PRDM16: variants seen among roughly 807,000 people sequenced by gnomAD.
The protein encoded by PRDM16 is histone-lysine N-methyltransferase PRDM16.
Under a neutral mutation model 110.6 loss-of-function variants are expected in PRDM16, and 23 were observed. That is an observed-to-expected ratio of 0.21 (90% confidence interval 0.15 to 0.29). The LOEUF (loss-of-function observed/expected upper bound fraction) is 0.29. Among genes scored for constraint, PRDM16 ranks in the 10% least tolerant of loss-of-function variants. PRDM16 has a pLI of 1.00. For synonymous variants in PRDM16, 799 were observed against 781.8 expected (o/e 1.02, Z -0.37); for missense variants, 1,615 against 1,794.3 (o/e 0.90, Z 1.81).
At chr1:3,090,368 C>T (rs558730143) in intron 1 of PRDM16, among the ~76,000 whole-genome samples, 1 of 152,362 alleles carries the variant, frequency 6.6e-6, no homozygotes, top group South Asian at 2.1e-4. Flanking sequence ...TCGTGAGAAG[C>T]GCCACATGGC....
At chr1:3,231,404 T>TCCCCA in intron 2 of PRDM16, among the ~76,000 whole-genome samples, 1 of 150,630 alleles carries the variant, frequency 6.6e-6, no homozygotes, top group South Asian at 2.1e-4. Flanking sequence ...GTCAAGGCCG[T>TCCCCA]CTCCCCTTCT....
Position 3,425,700 on chromosome 1 carries a change from A to G in PRDM16, c.3059A>G (p.Gln1020Arg), listed in dbSNP as rs2100692392. The G allele has an allele frequency of 6.2e-7, 1 of 1,613,924 alleles. No individual in the cohort carries two copies. The highest frequency in any genetic ancestry group is 8.5e-7 in the Non-Finnish European group (1 of 1,179,956). Residue 1020 changes from glutamine (Q) to arginine (R), a missense_variant, in exon 13 of 17, where the codon CAG (glutamine) becomes CGG (arginine). This residue lies in a region of PRDM16 where 327 missense variants were observed against 359.3 expected (regional missense o/e 0.91). Transcript: ENST00000270722. This position sits in a 1 kb window ranked among gnomAD's most constrained non-coding sequence, Gnocchi z 6.9. ...CTGTGCAACCGCTGCTTCGGGCAGC[A>G]GACCAACCTGGACCGGCACCTCAAG... ...CHLCNRCFGQ[Q>R]TNLDRHLKKH...
intron 2 of PRDM16, among the ~76,000 whole-genome samples, chr1:3,187,202 G>A (rs753591446): frequency 6.6e-6 from 1 of 152,288 alleles, no homozygotes; most frequent in East Asian, 1.9e-4. Flanking sequence ...GTCCTAGGGG[G>A]ACTAACAGCC....
Position 3,411,546 on chromosome 1 carries a change from A to G in PRDM16, c.1349A>G (p.His450Arg). Residue 450 changes from histidine (H) to arginine (R), a missense_variant, in exon 9 of 17, where the codon CAT becomes CGT. Coordinates refer to ENST00000270722, the MANE Select transcript of PRDM16 (RefSeq NM_022114.4). Reference sequence around the variant, plus strand: ...CGGCGCTTCTGCGAGGGCAAGAACCATTACACGCCGGGCGGCATCTTTGCC... The same window carrying G: ...CGGCGCTTCTGCGAGGGCAAGAACCGTTACACGCCGGGCGGCATCTTTGCC... ...KHRRFCEGKN[H>R]YTPGGIFAPG... 1 of 1,614,098 alleles carries G rather than the reference A, an allele frequency of 6.2e-7. No individual in the cohort carries two copies. Among genetic ancestry groups the G allele is most frequent in the Admixed American group, 1.7e-5 (1 of 60,028 alleles).
intron 2 of PRDM16, among the ~76,000 whole-genome samples, chr1:3,204,891 C>G (rs1482257346): frequency 6.6e-6 from 1 of 152,142 alleles, no homozygotes; most frequent in Non-Finnish European, 1.5e-5. Flanking sequence ...GAGTGGGACC[C>G]CCGTTGGGGG....
rs1047910460 is a variant in PRDM16 at position 3,147,125 on chromosome 1, A to AGT, written c.38-38990_38-38989dup. Among the ~76,000 whole-genome samples, 3 of 68,460 alleles carry AGT rather than the reference A, an allele frequency of 4.4e-5. No homozygotes were observed. The Admixed American group carries it at 4.9e-4, about 11-fold the overall frequency. 44.9% of individuals were successfully genotyped at this position (68,460 alleles called of 152,430 possible). On this transcript the variant is annotated intron_variant, in intron 1 of 16. Coordinates refer to ENST00000270722, the MANE Select transcript of PRDM16 (RefSeq NM_022114.4). ...GTGTGTACGCGTGTGCTCGGTATGG[A>AGT]GTGTGTGTGTGCATGTGTGTGCTCG...
At chr1:3,404,967 C>A in intron 7 of PRDM16, 81 bp downstream of exon 7, 1 of 1,477,652 alleles carries the variant, frequency 6.8e-7, no homozygotes, top group Admixed American at 2.3e-5. Context: ...CTCCCTACAC[C>A]CCCTGGTCCA....
Position 3,411,966 on chromosome 1 carries a change from A to G in PRDM16, c.1769A>G (p.Lys590Arg), listed in dbSNP as rs774686539. The change falls in exon 9 of 17, where the codon AAG (lysine) becomes AGG (arginine). Residue 590 changes from lysine (K) to arginine (R), a missense_variant. Physicochemically the swap from Lys to Arg is conservative, Grantham distance 26 (BLOSUM62 2). This residue lies in a region of PRDM16 where 772 missense variants were observed against 748.3 expected (regional missense o/e 1.03). Coordinates refer to ENST00000270722, the MANE Select transcript of PRDM16 (RefSeq NM_022114.4). ...CGCCTGGAGGACTCCTGTGTGGAGA[A>G]GCTGAAGACCAGGAGCAGCGACATG... Reference protein sequence around the residue: ...ESRLEDSCVEKLKTRSSDMSD... With the variant: ...ESRLEDSCVERLKTRSSDMSD... 4 of 1,613,700 alleles carry G rather than the reference A, an allele frequency of 2.5e-6. No homozygotes were observed. Among genetic ancestry groups the G allele is most frequent in the Non-Finnish European group, 3.4e-6 (4 of 1,179,964 alleles).
intron 3 of PRDM16, among the ~76,000 whole-genome samples, chr1:3,335,072 G>C (rs1251697700): frequency 6.6e-6 from 1 of 152,218 alleles, no homozygotes; most frequent in Admixed American, 6.5e-5. Flanking sequence ...GGGAGACCAG[G>C]TTCCCCCCTG....
At chr1:3,077,518 T>C (rs1032295497) in intron 1 of PRDM16, among the ~76,000 whole-genome samples, 4 of 152,272 alleles carry the variant, frequency 2.6e-5, no homozygotes, top group Non-Finnish European at 5.9e-5. Context: ...CAGGGGTGTC[T>C]GCACAGAAGG....
intron 1 of PRDM16, among the ~76,000 whole-genome samples, chr1:3,127,385 C>T (rs997196707): frequency 6.6e-6 from 1 of 152,196 alleles, no homozygotes; most frequent in Non-Finnish European, 1.5e-5. Context: ...CCAGACGATG[C>T]CCTCGTGAGA....
intron 3 of PRDM16, among the ~76,000 whole-genome samples, chr1:3,262,178 T>C (rs1322819537): frequency 6.6e-6 from 1 of 152,222 alleles, no homozygotes; most frequent in Non-Finnish European, 1.5e-5. Flanking sequence ...GTGAGGGGCA[T>C]TGAACCCAGG....
At chr1:3,389,222 C>T (rs895897416) in intron 4 of PRDM16, among the ~76,000 whole-genome samples, 1 of 152,214 alleles carries the variant, frequency 6.6e-6, no homozygotes, top group Admixed American at 6.5e-5. Context: ...AGCAACCAGC[C>T]AGCACCTCCC....
At chr1:3,220,143 C>CT (rs766794706) in intron 2 of PRDM16, among the ~76,000 whole-genome samples, 19 of 152,204 alleles carry the variant, frequency 1.2e-4, no homozygotes, top group Non-Finnish European at 2.4e-4. Context: ...TGCCCACACG[C>CT]GCCGGGAGGA....
At chr1:3,111,000 C>T (rs566303170) in intron 1 of PRDM16, among the ~76,000 whole-genome samples, 73 of 152,290 alleles carry the variant, frequency 4.8e-4, no homozygotes, top group African/African-American at 1.7e-3. Context: ...AGCCTAGCTT[C>T]GTGGGCTGGT....
intron 3 of PRDM16, among the ~76,000 whole-genome samples, chr1:3,283,298 G>T (rs922396940): frequency 6.6e-6 from 1 of 152,188 alleles, no homozygotes; most frequent in East Asian, 1.9e-4. Context: ...CCAGGGCCCG[G>T]GGTGGCTGCA....
At chr1:3,181,268 ACGGCCTTACGCATG>A (rs1644169324) in intron 1 of PRDM16, among the ~76,000 whole-genome samples, 1 of 146,990 alleles carries the variant, frequency 6.8e-6, no homozygotes, top group Non-Finnish European at 1.5e-5. Context: ...AGTCTTACAC[ACGGCCTTACGCATG>A]GTCTTACACA....
chr1:3,304,965 C>A (rs12407909), intron 3 of PRDM16, among the ~76,000 whole-genome samples: 4 of 152,094 alleles, frequency 2.6e-5, no homozygotes, highest in Non-Finnish European at 4.4e-5. Context: ...CGTCTGTGTC[C>A]CCAGCTGAAG....
chr1:3,263,833 G>A (rs774595604), intron 3 of PRDM16, among the ~76,000 whole-genome samples: 1 of 152,232 alleles, frequency 6.6e-6, no homozygotes, highest in Non-Finnish European at 1.5e-5. Context: ...CTGGGCAGGT[G>A]GCGCAGGTGG....
Sources: gnomAD v4.1 joint callset for allele counts (sites outside exome capture counted in the v4.1 genomes callset) on GRCh38, gnomAD v4.1.1 for gene constraint, gnomAD v4.1.1 regional missense constraint, Gnocchi (gnomAD v3.1) non-coding constraint, MANE v1.5 for transcripts, NCBI Gene and HGNC (gene_info 2026-07-23, HGNC 2026-07-21) for gene names.